PATJ: variants seen among roughly 807,000 people sequenced by gnomAD.
The protein encoded by PATJ is inaD-like protein.
Under a neutral mutation model 224.9 loss-of-function variants are expected in PATJ, and 190 were observed. The observed-to-expected ratio is 0.84, with a 90% CI of 0.75 to 0.95. PATJ has a LOEUF of 0.95. PATJ is among the 40% of genes least tolerant of loss of function. The probability of loss-of-function intolerance (pLI) is 0.00; values close to 1 mark genes in which losing one functional copy is unlikely to be tolerated. For synonymous variants in PATJ, 769 were observed against 820.3 expected (o/e 0.94, Z 1.07); for missense variants, 2,121 against 2,270.3 (o/e 0.93, Z 1.34).
At chr1:62,012,409 C>A (rs978347798) in intron 28 of PATJ, among the ~76,000 whole-genome samples, 3 of 152,128 alleles carry the variant, frequency 2.0e-5, no homozygotes, top group South Asian at 2.1e-4. Context: ...GTTCTGCACT[C>A]AGTAAATGGT....
At chr1:61,965,571 T>C (rs1027425652) in intron 27 of PATJ, among the ~76,000 whole-genome samples, 6 of 152,188 alleles carry the variant, frequency 3.9e-5, no homozygotes, top group African/African-American at 1.4e-4. Flanking sequence ...TATTATTTGA[T>C]CCCACGAGGG....
intron 31 of PATJ, chr1:62,073,047 G>C (rs1053575866): frequency 1.0e-6 from 1 of 985,282 alleles, no homozygotes; most frequent in African/African-American, 1.7e-5. Context: ...TGATTGGTCA[G>C]GGCATGGTGG....
At chr1:62,098,161 C>A (rs761428382) in intron 33 of PATJ, among the ~76,000 whole-genome samples, 1 of 151,918 alleles carries the variant, frequency 6.6e-6, no homozygotes, top group Non-Finnish European at 1.5e-5. Context: ...AGATAGAGAC[C>A]ATCCTGGCTA....
intron 26 of PATJ, among the ~76,000 whole-genome samples, chr1:61,923,767 A>C (rs1674680155): frequency 6.6e-6 from 1 of 151,626 alleles, no homozygotes; most frequent in African/African-American, 2.4e-5. Context: ...AAAATACAAA[A>C]AAAAATTAGC....
intron 18 of PATJ, among the ~76,000 whole-genome samples, chr1:61,857,412 CTAGTAAGGGGCAGAG>C (rs1238586965): frequency 1.3e-5 from 2 of 152,196 alleles, no homozygotes; most frequent in Non-Finnish European, 2.9e-5. Context: ...GTTCTTATAA[CTAGTAAGGGGCAGAG>C]TTGTAATGTG....
chr1:62,131,850 A>G (rs1193248768), intron 41 of PATJ, among the ~76,000 whole-genome samples: 1 of 147,864 alleles, frequency 6.8e-6, no homozygotes, highest in Non-Finnish European at 1.5e-5. Context: ...ATATAACCAA[A>G]TATTAGGATG....
chr1:61,816,844 T>G (rs1450084499), intron 14 of PATJ, among the ~76,000 whole-genome samples: 1 of 152,180 alleles, frequency 6.6e-6, no homozygotes, highest in Non-Finnish European at 1.5e-5. Flanking sequence ...GTAGTGCAGG[T>G]GGCATATCAG....
intron 26 of PATJ, among the ~76,000 whole-genome samples, chr1:61,920,703 T>TC (rs896099255): frequency 4.6e-4 from 17 of 37,236 alleles, no homozygotes; most frequent in African/African-American, 1.6e-3. Flanking sequence ...TATGGAATTC[T>TC]TTTTTTTTTT....
intron 24 of PATJ, among the ~76,000 whole-genome samples, chr1:61,902,465 A>G (rs77207842): frequency 0.067 from 10,153 of 151,904 alleles, 1,097 homozygotes; most frequent in African/African-American, 0.23. Flanking sequence ...TTTATTTTCT[A>G]TGTGTTTTTG....
chr1:61,921,096 T>C lies in PATJ; in HGVS notation c.3570+6432T>C, dbSNP rs548360630. Among the ~76,000 whole-genome samples the C allele has an allele frequency of 3.0e-4, 45 of 152,296 alleles. 1 individual carries two copies. The East Asian group carries it at 8.3e-3, about 28-fold the overall frequency. ...AGACCAGGAAATATATCTTCTGTGATCAATATTTTGGTTTGTTTATTTTTT... is the reference window on the plus strand; with the variant it reads ...AGACCAGGAAATATATCTTCTGTGACCAATATTTTGGTTTGTTTATTTTTT... On this transcript the variant is annotated intron_variant, in intron 26 of 43. Transcript: ENST00000642238.
chr1:62,150,922 C>G (rs12022641), intron 42 of PATJ, among the ~76,000 whole-genome samples: 29,918 of 151,870 alleles, frequency 0.2, 4,728 homozygotes, highest in East Asian at 0.65. Context: ...GTGGGCAGAT[C>G]GCCTGAGGTC....
intron 19 of PATJ, among the ~76,000 whole-genome samples, chr1:61,862,983 T>C (rs1251904883): frequency 6.8e-6 from 1 of 147,888 alleles, no homozygotes; most frequent in Non-Finnish European, 1.5e-5. Context: ...ATACATCCTC[T>C]AACCACATTA....
chr1:61,912,308 A>G (rs1246527306), intron 25 of PATJ, among the ~76,000 whole-genome samples: 1 of 152,134 alleles, frequency 6.6e-6, no homozygotes, highest in African/African-American at 2.4e-5. Flanking sequence ...TTTGAAAAAC[A>G]GTGGGCTGGG....
At chr1:61,949,974 C>T (rs965662282) in intron 27 of PATJ, among the ~76,000 whole-genome samples, 11 of 151,808 alleles carry the variant, frequency 7.2e-5, no homozygotes, top group East Asian at 2.0e-4. Flanking sequence ...CCAAGGCAGG[C>T]GGATTACTTG....
At chr1:62,055,664 C>T (rs999801308) in intron 31 of PATJ, among the ~76,000 whole-genome samples, 6 of 152,064 alleles carry the variant, frequency 3.9e-5, no homozygotes, top group Non-Finnish European at 5.9e-5. Flanking sequence ...AAGGGGTAGC[C>T]ATAGAAGGAA....
rs151220373 is a variant in PATJ, at chr1:61,842,818, G to A, written c.2112+9033G>A. Among the ~76,000 whole-genome samples the A allele has an allele frequency of 1.7e-3, 255 of 150,994 alleles. 2 individuals are homozygous for A. Among genetic ancestry groups the A allele is most frequent in the African/African-American group, 6.0e-3 (247 of 41,162 alleles). The stretch of plus-strand genomic sequence containing the variant: ...CGAAAGAAGAAACTCGGTCCCCAGA[G>A]GTGTTTCATCACCAGTCTTCTACCT... On this transcript the variant is annotated intron_variant, in intron 17 of 43. Transcript: ENST00000642238.
At chr1:61,942,034 C>T (rs2149347266) in intron 27 of PATJ, among the ~76,000 whole-genome samples, 1 of 152,222 alleles carries the variant, frequency 6.6e-6, no homozygotes, top group South Asian at 2.1e-4. Flanking sequence ...TTCAGTGGTG[C>T]CATGAATGAT....
At chr1:61,967,651 A>G (rs1682364956) in intron 27 of PATJ, among the ~76,000 whole-genome samples, 1 of 152,242 alleles carries the variant, frequency 6.6e-6, no homozygotes, top group African/African-American at 2.4e-5. Context: ...GGACTGTTGC[A>G]GTATTAAATG....
At chr1:61,830,496 T>C (rs1268152536) in intron 16 of PATJ, among the ~76,000 whole-genome samples, 1 of 151,990 alleles carries the variant, frequency 6.6e-6, no homozygotes, top group Admixed American at 6.6e-5. Context: ...AAAAAAACTA[T>C]TCTAAAATTT....
Sources: gnomAD v4.1 joint callset for allele counts (sites outside exome capture counted in the v4.1 genomes callset) on GRCh38, gnomAD v4.1.1 for gene constraint, MANE v1.5 for transcripts, NCBI Gene and HGNC (gene_info 2026-07-23, HGNC 2026-07-21) for gene names.